The following DPH6 variants were observed in gnomAD, a reference collection of about 807,000 sequenced individuals.
The protein encoded by DPH6 is diphthine--ammonia ligase.
Under a neutral mutation model 38.2 loss-of-function variants are expected in DPH6, and 33 were observed. That is an observed-to-expected ratio of 0.86 (90% confidence interval 0.65 to 1.15). The LOEUF is 1.15. Ranked by LOEUF, DPH6 falls within the 50% of genes most tolerant of loss-of-function variation. The probability of loss-of-function intolerance (pLI) is 0.00; values close to 1 mark genes in which losing one functional copy is unlikely to be tolerated. For missense variants in DPH6, 325 were observed against 320.0 expected (o/e 1.02, Z -0.12); for synonymous variants, 108 against 103.0 (o/e 1.05, Z -0.30).
the DPH6 span, among the ~76,000 whole-genome samples, chr15:35,189,310 T>G: frequency 6.6e-6 from 1 of 152,196 alleles, no homozygotes; most frequent in Non-Finnish European, 1.5e-5. Context: ...GCAAACCAAA[T>G]AGGTAACTTG....
the DPH6 span, among the ~76,000 whole-genome samples, chr15:35,159,075 CA>C: frequency 6.6e-6 from 1 of 152,070 alleles, no homozygotes; most frequent in Non-Finnish European, 1.5e-5. Flanking sequence ...GCTGGTGTTT[CA>C]CACCCATACC....
chr15:35,440,447 C>G (rs1431322346), intron 5 of DPH6, among the ~76,000 whole-genome samples: 1 of 152,220 alleles, frequency 6.6e-6, no homozygotes, highest in East Asian at 1.9e-4. Context: ...GAACTCCAAA[C>G]AGTCATGCAA....
intron 5 of DPH6, among the ~76,000 whole-genome samples, chr15:35,437,665 T>C (rs1255072463): frequency 6.6e-6 from 1 of 152,182 alleles, no homozygotes; most frequent in African/African-American, 2.4e-5. Flanking sequence ...TCACTCTGCA[T>C]GGTTCTGTCA....
intron 3 of DPH6, among the ~76,000 whole-genome samples, chr15:35,475,619 A>T (rs1207958920): frequency 6.6e-6 from 1 of 151,906 alleles, no homozygotes; most frequent in Non-Finnish European, 1.5e-5. Flanking sequence ...GACTTTTCTG[A>T]TGTTGTTGCT....
At chr15:35,441,231 C>T (rs1390656354) in intron 5 of DPH6, among the ~76,000 whole-genome samples, 2 of 152,140 alleles carry the variant, frequency 1.3e-5, no homozygotes, top group Non-Finnish European at 2.9e-5. Context: ...ATTAGTTCAA[C>T]CATGGTGGAA....
At chr15:35,146,677 T>G in the DPH6 span, among the ~76,000 whole-genome samples, 4 of 152,214 alleles carry the variant, frequency 2.6e-5, no homozygotes, top group African/African-American at 9.6e-5. Context: ...GCAGTAATGG[T>G]ACTACTAAAG....
intron 6 of DPH6, among the ~76,000 whole-genome samples, chr15:35,394,247 T>C (rs953885730): frequency 3.3e-5 from 5 of 152,202 alleles, no homozygotes; most frequent in African/African-American, 1.2e-4. Flanking sequence ...TTAAAGACTA[T>C]TTGGTTTATG....
At chr15:35,480,407 AAGC>A (rs2054313017) in intron 3 of DPH6, among the ~76,000 whole-genome samples, 1 of 152,068 alleles carries the variant, frequency 6.6e-6, no homozygotes, top group African/African-American at 2.4e-5. Context: ...TCACCAAAAC[AAGC>A]TTTCCAATAT....
At chr15:35,311,588 A>T (rs184770180) in intron 3 of DPH6, among the ~76,000 whole-genome samples, 4 of 152,324 alleles carry the variant, frequency 2.6e-5, no homozygotes, top group African/African-American at 9.6e-5. Flanking sequence ...GAAAGAAAAA[A>T]AGACATACAC....
At chr15:35,351,983 G>C (rs1566877568) in intron 3 of DPH6, among the ~76,000 whole-genome samples, 1 of 152,074 alleles carries the variant, frequency 6.6e-6, no homozygotes, top group Non-Finnish European at 1.5e-5. Context: ...GCCTCCCAAA[G>C]TGCTGGCATT....
intron 3 of DPH6, among the ~76,000 whole-genome samples, chr15:35,475,322 T>C (rs779712004): frequency 1.1e-4 from 16 of 152,034 alleles, no homozygotes; most frequent in Non-Finnish European, 2.1e-4. Flanking sequence ...TAGAAATAAA[T>C]GCAAACACCA....
At chr15:35,500,114 T>C (rs1301785638) in intron 3 of DPH6, among the ~76,000 whole-genome samples, 1 of 152,202 alleles carries the variant, frequency 6.6e-6, no homozygotes, top group Non-Finnish European at 1.5e-5. Context: ...AACCTTTAAG[T>C]AAGCCCTCCA....
the DPH6 span, among the ~76,000 whole-genome samples, chr15:35,196,856 G>A: frequency 6.6e-5 from 10 of 152,144 alleles, no homozygotes; most frequent in African/African-American, 2.4e-4. Context: ...TAAAGTGATT[G>A]TTACTCAAAA....
At chr15:35,253,292 C>A (rs779706126) in intron 3 of DPH6, among the ~76,000 whole-genome samples, 9 of 152,096 alleles carry the variant, frequency 5.9e-5, no homozygotes, top group African/African-American at 7.2e-5. Flanking sequence ...GTGAAGAATG[C>A]AGGGAAGGAA....
At chr15:35,369,039 A>C (rs923739952), downstream of DPH6, among the ~76,000 whole-genome samples, 1 of 151,870 alleles carries the variant, frequency 6.6e-6, no homozygotes, top group Non-Finnish European at 1.5e-5. Flanking sequence ...TGAAGGTAAA[A>C]AGAAGAGAAG....
At chr15:35,321,497 G>A (rs1462036012) in intron 3 of DPH6, among the ~76,000 whole-genome samples, 1 of 152,210 alleles carries the variant, frequency 6.6e-6, no homozygotes, top group African/African-American at 2.4e-5. Context: ...GGTAAGAGGG[G>A]AGCAATAGTG....
chr15:35,288,183 T>A (rs1289341929), intron 3 of DPH6, among the ~76,000 whole-genome samples: 1 of 152,220 alleles, frequency 6.6e-6, no homozygotes, highest in Non-Finnish European at 1.5e-5. Flanking sequence ...CAAGGTCAGA[T>A]GCAAATTCTC....
chr15:35,318,925 C>T (rs988530276), intron 3 of DPH6, among the ~76,000 whole-genome samples: 6 of 152,160 alleles, frequency 3.9e-5, no homozygotes, highest in South Asian at 2.1e-4. Flanking sequence ...CACAAGATCA[C>T]GAATGCATTT....
chr15:35,231,868 C>T (rs557355369), intron 3 of DPH6, among the ~76,000 whole-genome samples: 17 of 152,262 alleles, frequency 1.1e-4, no homozygotes, highest in African/African-American at 3.8e-4. Flanking sequence ...AATTCAATCT[C>T]ATGATCTCGC....
Sources: gnomAD v4.1 joint callset for allele counts (sites outside exome capture counted in the v4.1 genomes callset) on GRCh38, gnomAD v4.1.1 for gene constraint, MANE v1.5 for transcripts, NCBI Gene and HGNC (gene_info 2026-07-23, HGNC 2026-07-21) for gene names.